The following ACAD9 variants were observed in gnomAD, a reference collection of about 807,000 sequenced individuals.
The protein encoded by ACAD9 is acyl-CoA dehydrogenase family member 9, also known as complex I assembly factor ACAD9, mitochondrial.
A neutral mutation model predicts 70.2 loss-of-function variants in ACAD9; 53 were observed. The ratio of observed to expected loss-of-function variants is 0.75; its 90% CI spans 0.61 to 0.95. The LOEUF (loss-of-function observed/expected upper bound fraction) is 0.95, where lower values mean the gene tolerates loss of function less well. Ranked by LOEUF, ACAD9 falls within the 40% of genes least tolerant of loss-of-function variation. The pLI is 0.00. For missense variants in ACAD9, 777 were observed against 802.8 expected (o/e 0.97, Z 0.39); for synonymous variants, 313 against 312.1 (o/e 1.00, Z -0.03).
chr3:128,908,153 G>T lies in ACAD9; in HGVS notation c.1279-32G>T, dbSNP rs769533443. 22 of 1,608,504 alleles carry T rather than the reference G, an allele frequency of 1.4e-5. No homozygotes were observed. In the East Asian group the frequency reaches 4.5e-4, roughly 33 times the overall value. ...ACTACCATGGCTGCCTGGCCGGGGG[G>T]CAGCCTTTGACCTCTACACTACTGA... On this transcript the variant is annotated intron_variant, in intron 12 of 17. Coordinates refer to ENST00000308982, the MANE Select transcript of ACAD9 (RefSeq NM_014049.5).
At chr3:128,911,920 G>C (rs192866452) in intron 17 of ACAD9, among the ~76,000 whole-genome samples, 1 of 152,136 alleles carries the variant, frequency 6.6e-6, no homozygotes, top group Non-Finnish European at 1.5e-5. Context: ...GGCTTTGCTC[G>C]TGCTCCCCGC....
Position 128,899,319 on chromosome 3 carries a change from T to A in ACAD9, c.666T>A (p.Ile222=). 1 of 1,614,242 alleles carries A rather than the reference T, an allele frequency of 6.2e-7. No individual in the cohort carries two copies. Among genetic ancestry groups the A allele is most frequent in the Non-Finnish European group, 8.5e-7 (1 of 1,180,042 alleles). The change falls in exon 7 of 18, where the codon ATT becomes ATA. Residue 222 remains isoleucine (I), a synonymous_variant. Coordinates refer to ENST00000308982, the MANE Select transcript of ACAD9 (RefSeq NM_014049.5). The part of the protein sequence containing the change: ...VWITNGGLAN[I]FTVFAKTEVV... ...TTACTAATGGAGGACTGGCCAATAT[T>A]TTTACTGTGTTTGCAAAGACTGAGG...
At chr3:128,890,902 C>T (rs1483829805) in intron 2 of ACAD9, among the ~76,000 whole-genome samples, 4 of 148,842 alleles carry the variant, frequency 2.7e-5, no homozygotes, top group Admixed American at 6.7e-5. Flanking sequence ...AGTGCAGTGG[C>T]GCTATCTTGG....
At chr3:128,909,475 A>G (rs1936045557) in intron 15 of ACAD9, 54 bp downstream of exon 15, 3 of 1,554,996 alleles carry the variant, frequency 1.9e-6, no homozygotes, top group Non-Finnish European at 1.8e-6. Context: ...TTTGGCCAGC[A>G]TTCATGAGAC....
rs1002896428 is a variant in ACAD9 at position 128,908,903 on chromosome 3, T to C, written c.1359-70T>C. Reference sequence around the variant, plus strand: ...GGGCACGGAGCTTCTGGGTGCCGAATGGGCCATGTTGCTGGACAGTGAGCG... The same window carrying C: ...GGGCACGGAGCTTCTGGGTGCCGAACGGGCCATGTTGCTGGACAGTGAGCG... On this transcript the variant is annotated intron_variant, in intron 13 of 17. Coordinates refer to ENST00000308982, the MANE Select transcript of ACAD9 (RefSeq NM_014049.5). 1.8e-5 allele frequency: 29 copies of C among 1,612,426 alleles called. No individual in the cohort carries two copies. In the African/African-American group the frequency reaches 2.3e-4, roughly 13 times the overall value.
At chr3:128,883,635 C>T (rs1338538502) in intron 1 of ACAD9, among the ~76,000 whole-genome samples, 2 of 152,068 alleles carry the variant, frequency 1.3e-5, no homozygotes, top group Admixed American at 6.5e-5. Flanking sequence ...GGATTACAGG[C>T]GTGAGCCACC....
chr3:128,888,399 T>C (rs1264384691), intron 2 of ACAD9, among the ~76,000 whole-genome samples: 1 of 152,056 alleles, frequency 6.6e-6, no homozygotes, highest in Non-Finnish European at 1.5e-5. Context: ...GCCAACATAG[T>C]GAAACCCTGT....
intron 11 of ACAD9, among the ~76,000 whole-genome samples, chr3:128,905,172 C>T (rs1330545800): frequency 6.6e-6 from 1 of 151,928 alleles, no homozygotes; most frequent in Non-Finnish European, 1.5e-5. Context: ...AAACAAAAAA[C>T]ATGTATGAGC....
At chr3:128,903,762 G>T (rs66903181) in intron 9 of ACAD9, among the ~76,000 whole-genome samples, 1 of 152,100 alleles carries the variant, frequency 6.6e-6, no homozygotes, top group South Asian at 2.1e-4. Context: ...ACTCTGAGGT[G>T]GGGGTGGTGT....
intron 7 of ACAD9, 49 bp downstream of exon 7, chr3:128,899,510 A>G (rs1935671920): frequency 6.5e-7 from 1 of 1,549,632 alleles, no homozygotes; most frequent in African/African-American, 1.4e-5. Flanking sequence ...TAAGGGGGAG[A>G]CTGGCCTTTG....
chr3:128,898,728 A>G (rs968940503), intron 6 of ACAD9, among the ~76,000 whole-genome samples: 1 of 152,082 alleles, frequency 6.6e-6, no homozygotes, highest in South Asian at 2.1e-4. Context: ...TCAGCATTCA[A>G]ATATCCCTGA....
intron 2 of ACAD9, among the ~76,000 whole-genome samples, chr3:128,886,507 G>A (rs1559818995): frequency 2.6e-5 from 4 of 152,026 alleles, no homozygotes; most frequent in South Asian, 2.1e-4. Flanking sequence ...TCGGGAGTTC[G>A]ATACCAGCCT....
rs1936026271 is a variant in ACAD9, at chr3:128,909,244, T to G, written c.1486-100T>G. 2.5e-6 allele frequency: 4 copies of G among 1,596,870 alleles called. 1 individual carries two copies. In the South Asian group the frequency reaches 4.4e-5, roughly 18 times the overall value. On this transcript the variant is annotated intron_variant, in intron 14 of 17. Transcript: ENST00000308982. ...GCTAGTCCATGACACCCTGGATTGC[T>G]TCCCCCAGATGGGGCATCTCTGCCT... is the stretch of plus-strand genomic sequence containing the variant.
At chr3:128,910,389 A>T (rs1183254229) in intron 16 of ACAD9, 3 of 1,434,936 alleles carry the variant, frequency 2.1e-6, no homozygotes, top group Non-Finnish European at 2.8e-6. Context: ...CCCTACCCCC[A>T]GCAAGGGACA....
In ACAD9 at chr3:128,895,426, C is replaced by A. The variant is rs1164600578; in HGVS notation, c.453+10C>A. ...GGCTATTGGCCTCAAGGTCAGGTAT[C>A]TGGGGATTCTGTGTGGTGCTCTCTG... On this transcript the variant is annotated intron_variant, in intron 4 of 17. Transcript: ENST00000308982. The A allele has an allele frequency of 6.3e-7, 1 of 1,593,374 alleles. No individual in the cohort carries two copies. The highest frequency in any genetic ancestry group is 1.1e-5 in the South Asian group (1 of 87,764).
intron 7 of ACAD9, 74 bp from the exon 8 acceptor site, chr3:128,901,202 G>T: frequency 7.4e-7 from 1 of 1,342,878 alleles, no homozygotes; most frequent in South Asian, 1.2e-5. Context: ...ATGGATGGAT[G>T]AATTGCCTGC....
In ACAD9 at chr3:128,912,650, G is replaced by GTTAAGAAAGT; in HGVS notation, c.*43_*44insTTAAGAAAGT. On this transcript the variant is annotated 3_prime_UTR_variant, in exon 18 of 18. Coordinates refer to ENST00000308982, the MANE Select transcript of ACAD9 (RefSeq NM_014049.5). ...CCTGCTACCGCCCGCCCCTACCCAT[G>GTTAAGAAAGT]GCCCGTTGCTGGATGACTGTTACTC... 3 of 1,509,934 alleles carry GTTAAGAAAGT rather than the reference G, an allele frequency of 2.0e-6. No individual in the cohort carries two copies. Among genetic ancestry groups the GTTAAGAAAGT allele is most frequent in the Non-Finnish European group, 2.8e-6 (3 of 1,085,150 alleles). The allele number at this position is 1,509,934 out of a possible 1,614,324, so 93.5% of individuals were successfully genotyped here.
Position 128,911,004 on chromosome 3 carries a change from GC to G in ACAD9, c.1765+195del, listed in dbSNP as rs1418895997. ...CACCAGGCACTGTAGGTGCATACCT[GC>G]CCCATTCACCAAGGCAGTTGTATGT... On this transcript the variant is annotated intron_variant, in intron 17 of 17. Coordinates refer to ENST00000308982, the MANE Select transcript of ACAD9 (RefSeq NM_014049.5). 2.6e-5 allele frequency among the ~76,000 whole-genome samples: 4 copies of G among 152,352 alleles called. No individual in the cohort carries two copies. In the East Asian group the frequency reaches 7.7e-4, roughly 29 times the overall value.
Position 128,912,943 on chromosome 3 carries a change from G to A in ACAD9, c.*336G>A, listed in dbSNP as rs749378291. On this transcript the variant is annotated 3_prime_UTR_variant, in exon 18 of 18. Transcript: ENST00000308982. ...GCTGCCTCCAGGGTGTGAGGTGGGT[G>A]GGGACCTGTGTCAGGTGTGGATAGC... 1 of 512,796 alleles carries A rather than the reference G, an allele frequency of 2.0e-6. No homozygotes were observed. The highest frequency in any genetic ancestry group is 3.8e-6 in the Non-Finnish European group (1 of 263,078). 31.8% of individuals were successfully genotyped at this position (512,796 alleles called of 1,614,324 possible).
Sources: allele counts gnomAD v4.1 joint callset (sites outside exome capture counted in the v4.1 genomes callset), GRCh38; gene constraint gnomAD v4.1.1; transcripts MANE v1.5; gene names NCBI Gene and HGNC (gene_info 2026-07-23, HGNC 2026-07-21).